The following CASQ1 variants were observed in gnomAD, a reference collection of about 807,000 sequenced individuals.
CASQ1 encodes the protein calsequestrin 1.
In CASQ1, 40 loss-of-function variants were observed where a neutral mutation model predicts 49.5. That is an observed-to-expected ratio of 0.81 (90% CI 0.63 to 1.05). The LOEUF is 1.05. Ranked by LOEUF, CASQ1 falls within the 50% of genes least tolerant of loss-of-function variation. The pLI is 0.00. For synonymous variants in CASQ1, 174 were observed against 187.2 expected (o/e 0.93, Z 0.58); for missense variants, 469 against 486.9 (o/e 0.96, Z 0.35).
In CASQ1 at chr1:160,195,348, G is replaced by A. The variant is rs1189955152; in HGVS notation, c.578-113G>A. On this transcript the variant is annotated intron_variant, in intron 4 of 10. Transcript: ENST00000368078. ...TCCCCTCACTCTCGAAGAACTAGAAGGGGTGGGTCTCAAAATGAACCCTGC... is the reference window on the plus strand; with the variant it reads ...TCCCCTCACTCTCGAAGAACTAGAAAGGGTGGGTCTCAAAATGAACCCTGC... The A allele has an allele frequency of 6.1e-6, 6 of 978,028 alleles. No individual in the cohort carries two copies. In the East Asian group the frequency reaches 9.6e-5, roughly 16 times the overall value. The allele number at this position is 978,028 out of a possible 1,614,324, so 60.6% of individuals were successfully genotyped here.
rs762030127 is a variant in CASQ1, at chr1:160,199,827, T to C, written c.985-24T>C. ...ATGTGCTCCCTAGTATCTATTAAGT[T>C]GCTGTATTTTGATCTCTCTACAGCT... is the stretch of plus-strand genomic sequence containing the variant. On this transcript the variant is annotated intron_variant, in intron 9 of 10. Coordinates refer to ENST00000368078, the MANE Select transcript of CASQ1 (RefSeq NM_001231.5). 9 of 1,487,648 alleles carry C rather than the reference T, an allele frequency of 6.0e-6. No individual in the cohort carries two copies. In the East Asian group the frequency reaches 6.8e-5, roughly 11 times the overall value. 92.2% of individuals were successfully genotyped at this position (1,487,648 alleles called of 1,614,324 possible).
chr1:160,192,689 G>GTCAA (rs1250055065), intron 1 of CASQ1, 113 bp from the exon 2 acceptor site: 45 of 830,912 alleles, frequency 5.4e-5, no homozygotes, highest in Non-Finnish European at 8.1e-6. Context: ...AAGGGTCAAG[G>GTCAA]TCAACTCTTA....
intron 10 of CASQ1, 152 bp downstream of exon 10, chr1:160,200,077 C>A (rs1654334123): frequency 6.0e-6 from 4 of 665,366 alleles, no homozygotes; most frequent in Non-Finnish European, 1.1e-5. Flanking sequence ...GACTTAGGAT[C>A]TGAATGTGGC....
Position 160,198,730 on chromosome 1 carries a change from T to C in CASQ1, c.882T>C (p.Pro294=). The change falls in exon 8 of 11, where the codon CCT becomes CCC. Residue 294 remains proline (P), a splice_region_variant and synonymous_variant. Transcript: ENST00000368078. ...TGGCCTTCGCAGAGGAAGCTGATCC[T>C]GGTGAGGGAGGAATACCGGGTTGGA... The part of the protein sequence containing the change: ...HIVAFAEEAD[P]DGFEFLETLK... 2 of 1,613,198 alleles carry C rather than the reference T, an allele frequency of 1.2e-6. No homozygotes were observed. Among genetic ancestry groups the C allele is most frequent in the Non-Finnish European group, 1.7e-6 (2 of 1,179,178 alleles).
In CASQ1 at chr1:160,193,942, CCA is replaced by C. The variant is rs879252751; in HGVS notation, c.465+108_465+109del. On this transcript the variant is annotated intron_variant, in intron 3 of 10. Transcript: ENST00000368078. ...CCCAACCTGACACTGCACACACACA[CCA>C]CACACACACACATACACCACACGCA... The C allele has an allele frequency of 3.8e-3, 2,745 of 715,878 alleles. 3 individuals are homozygous for C. Among genetic ancestry groups the C allele is most frequent in the South Asian group, 6.9e-3 (469 of 68,048 alleles). 44.3% of individuals were successfully genotyped at this position (715,878 alleles called of 1,614,324 possible).
chr1:160,199,362 T>C (rs1046053940), intron 9 of CASQ1, among the ~76,000 whole-genome samples: 3 of 152,194 alleles, frequency 2.0e-5, no homozygotes, highest in Non-Finnish European at 2.9e-5. Flanking sequence ...ACACACTCAA[T>C]CATAGAATCA....
chr1:160,199,994 C>T, intron 10 of CASQ1, 69 bp downstream of exon 10: 1 of 1,038,410 alleles, frequency 9.6e-7, no homozygotes, highest in Non-Finnish European at 1.5e-6. Flanking sequence ...CTCTCCTCCT[C>T]TCTGCTAACT....
chr1:160,194,887 C>A, intron 3 of CASQ1, 125 bp from the exon 4 acceptor site: 1 of 611,528 alleles, frequency 1.6e-6, no homozygotes, highest in Non-Finnish European at 2.9e-6. Context: ...ATCCCCCACA[C>A]ACACACCCAC....
chr1:160,195,350 G>T (rs1045265398), intron 4 of CASQ1, 111 bp from the exon 5 acceptor site: 3 of 990,290 alleles, frequency 3.0e-6, no homozygotes, highest in South Asian at 2.7e-5. Flanking sequence ...AACTAGAAGG[G>T]GTGGGTCTCA....
In CASQ1 at chr1:160,198,697, C is replaced by A; in HGVS notation, c.849C>A (p.Ile283=). Residue 283 remains isoleucine (I), a synonymous_variant, in exon 8 of 11, where the codon ATC becomes ATA. Transcript: ENST00000368078. ...YETWEDDMDG[I]HIVAFAEEAD... Reference sequence around the variant, plus strand: ...GACAGGAGGATGATATGGATGGAATCCACATTGTGGCCTTCGCAGAGGAAG... The same window carrying A: ...GACAGGAGGATGATATGGATGGAATACACATTGTGGCCTTCGCAGAGGAAG... The A allele has an allele frequency of 6.2e-7, 1 of 1,613,786 alleles. No individual in the cohort carries two copies. Among genetic ancestry groups the A allele is most frequent in the East Asian group, 2.2e-5 (1 of 44,864 alleles).
chr1:160,194,052 A>C (rs1300430040), intron 3 of CASQ1, among the ~76,000 whole-genome samples: 1 of 150,508 alleles, frequency 6.6e-6, no homozygotes, highest in Non-Finnish European at 1.5e-5. Context: ...ATATGCATGC[A>C]CATGCACACA....
chr1:160,195,335 C>T (rs893978179), intron 4 of CASQ1, 126 bp from the exon 5 acceptor site: 6 of 903,722 alleles, frequency 6.6e-6, no homozygotes, highest in South Asian at 3.0e-5. Context: ...CCCTCACTCT[C>T]GAAGAACTAG....
intron 9 of CASQ1, 80 bp from the exon 10 acceptor site, chr1:160,199,771 G>C: frequency 1.0e-6 from 1 of 964,320 alleles, no homozygotes; most frequent in East Asian, 2.4e-5. Context: ...TCCATCCCTG[G>C]GCTGACCCTC....
rs765144226 is a variant in CASQ1, at chr1:160,198,941, G to C, written c.884-12G>C. ...TACACACCTCATACCTTGTACTTGT[G>C]TTCCCTCCAAGATGGTTTCGAGTTC... is the stretch of plus-strand genomic sequence containing the variant. On this transcript the variant is annotated splice_polypyrimidine_tract_variant and intron_variant, in intron 8 of 10. Transcript: ENST00000368078. 3.2e-6 allele frequency: 5 copies of C among 1,558,710 alleles called. No homozygotes were observed. The South Asian group carries it at 5.6e-5, about 17-fold the overall frequency.
chr1:160,196,143 T>A, intron 6 of CASQ1, 116 bp downstream of exon 6: 1 of 968,184 alleles, frequency 1.0e-6, no homozygotes, highest in Non-Finnish European at 1.5e-6. Context: ...TGCCTGGAGA[T>A]GAATACACTT....
intron 1 of CASQ1, among the ~76,000 whole-genome samples, 175 bp downstream of exon 1, chr1:160,191,205 C>T (rs1455783985): frequency 6.6e-6 from 1 of 152,152 alleles, no homozygotes; most frequent in Non-Finnish European, 1.5e-5. Context: ...AAATGAGAAA[C>T]AGAGTCTCAG....
intron 9 of CASQ1, 68 bp downstream of exon 9, chr1:160,199,121 G>A (rs911247566): frequency 1.9e-6 from 2 of 1,030,718 alleles, no homozygotes; most frequent in Non-Finnish European, 3.1e-6. Flanking sequence ...TTCTTAGTGA[G>A]GGCTTTGTTT....
At position 160,195,489 on chromosome 1, in the gene CASQ1, G is replaced by A. The variant is rs1337149341; in HGVS notation, c.606G>A (p.Glu202=). The stretch of plus-strand genomic sequence containing the variant: ...ACAAAGCCTTCGAGGATGCAGCTGA[G>A]GAGTTTCATCCCTACATCCCCTTCT... ...EHYKAFEDAA[E]EFHPYIPFFA... Residue 202 remains glutamate (E), a synonymous_variant, in exon 5 of 11, where the codon GAG becomes GAA. Transcript: ENST00000368078. 6.2e-7 allele frequency: 1 copy of A among 1,613,942 alleles called. No individual in the cohort carries two copies. Among genetic ancestry groups the A allele is most frequent in the African/African-American group, 1.3e-5 (1 of 74,860 alleles).
chr1:160,192,699 A>G (rs951453958), intron 1 of CASQ1, 103 bp from the exon 2 acceptor site: 1 of 895,676 alleles, frequency 1.1e-6, no homozygotes, highest in East Asian at 2.4e-5. Context: ...GTCAACTCTT[A>G]TATCTCCCGC....
Sources: allele counts gnomAD v4.1 joint callset (sites outside exome capture counted in the v4.1 genomes callset), GRCh38; gene constraint gnomAD v4.1.1; transcripts MANE v1.5; gene names NCBI Gene and HGNC (gene_info 2026-07-23, HGNC 2026-07-21).